LRRC57: variants seen among roughly 807,000 people sequenced by gnomAD.
LRRC57 encodes leucine rich repeat containing 57, also known as leucine-rich repeat-containing protein 57.
In LRRC57, 14 loss-of-function variants were observed where a neutral mutation model predicts 23.1. The observed-to-expected ratio is 0.61, with a 90% CI of 0.40 to 0.95. The LOEUF is 0.95. LRRC57 is among the 40% of genes least tolerant of loss of function. LRRC57 has a pLI of 0.00. For missense variants in LRRC57, 236 were observed against 284.4 expected (o/e 0.83, Z 1.22); for synonymous variants, 106 against 115.2 (o/e 0.92, Z 0.51).
chr15:42,537,254 C>CACACACACACACAT (rs796745969), downstream of LRRC57, among the ~76,000 whole-genome samples: 194 of 151,470 alleles, frequency 1.3e-3, no homozygotes, highest in African/African-American at 4.6e-3. Context: ...CACACACACA[C>CACACACACACACAT]ACACACACAC....
rs1452775430 is a variant in LRRC57 at position 42,539,288 on chromosome 15, G to A, written c.*4795C>T. The A allele has an allele frequency of 2.0e-5, 3 of 152,036 alleles. No homozygotes were observed. Among genetic ancestry groups the A allele is most frequent in the Non-Finnish European group, 4.4e-5 (3 of 68,060 alleles). 9.4% of individuals were successfully genotyped at this position (152,036 alleles called of 1,614,324 possible). ...GAGGCCAGGAGTCTGAGATAAGCCT[G>A]GCTAACATAGTGAAACCCCATTTTA... On this transcript the variant is annotated 3_prime_UTR_variant, in exon 6 of 6. Transcript: ENST00000397130.
chr15:42,548,560 G>A, intron 1 of LRRC57, 104 bp from the exon 2 acceptor site: 2 of 896,398 alleles, frequency 2.2e-6, no homozygotes, highest in Non-Finnish European at 3.4e-6. Context: ...TGGCTCCTGG[G>A]GCCCGACCCA....
At chr15:42,528,512 A>G in the LRRC57 span, 3 of 1,201,974 alleles carry the variant, frequency 2.5e-6, no homozygotes, top group African/African-American at 1.5e-5. Context: ...CTAATAAAAC[A>G]AATAAAAATT....
chr15:42,537,233 T>TCACACACACACACACACACA (rs71108166), downstream of LRRC57, among the ~76,000 whole-genome samples: 1 of 136,504 alleles, frequency 7.3e-6, no homozygotes, highest in African/African-American at 3.0e-5. Context: ...TCTCTCTCTC[T>TCACACACACACACACACACA]CACACACACA....
At chr15:42,531,717 T>C in the LRRC57 span, 1 of 362,072 alleles carries the variant, frequency 2.8e-6, no homozygotes, top group Non-Finnish European at 4.9e-6. Flanking sequence ...GGTTTTCATA[T>C]GTCATGTTTA....
intron 5 of LRRC57, among the ~76,000 whole-genome samples, chr15:42,544,613 A>G (rs1031950992): frequency 1.4e-4 from 21 of 151,990 alleles, no homozygotes; most frequent in African/African-American, 5.1e-4. Flanking sequence ...ACTTCAGCCC[A>G]GGAGTTTGAG....
At position 42,545,210 on chromosome 15, in the gene LRRC57, C is replaced by A. The variant is rs764797372; in HGVS notation, c.545G>T (p.Arg182Leu). 1 of 1,606,110 alleles carries A rather than the reference C, an allele frequency of 6.2e-7. No homozygotes were observed. Among genetic ancestry groups the A allele is most frequent in the Non-Finnish European group, 8.5e-7 (1 of 1,176,888 alleles). ...ISCCPRLKILRLEENCLELSM... is the reference protein window; with the variant it reads ...ISCCPRLKILLLEENCLELSM... ...GAGCTCAAGACAATTCTCTTCCAGG[C>A]GAAGAATTTTAAGGCGTGGACAGCA... The change falls in exon 5 of 6, where the codon CGC becomes CTC. Residue 182 changes from arginine to leucine, a missense_variant. Arg to Leu is a moderately radical substitution (Grantham distance 102). Coordinates refer to ENST00000397130, the MANE Select transcript of LRRC57 (RefSeq NM_153260.3).
At position 42,544,029 on chromosome 15, in the gene LRRC57, C is replaced by G. The variant is rs1421306216; in HGVS notation, c.*54G>C. 1 of 1,512,282 alleles carries G rather than the reference C, an allele frequency of 6.6e-7. No individual in the cohort carries two copies. Among genetic ancestry groups the G allele is most frequent in the Non-Finnish European group, 9.1e-7 (1 of 1,094,778 alleles). 93.7% of individuals were successfully genotyped at this position (1,512,282 alleles called of 1,614,324 possible). A position where few individuals can be genotyped will look rare whatever the true frequency, so the allele number is the denominator to read the frequency against. On this transcript the variant is annotated 3_prime_UTR_variant, in exon 6 of 6. Transcript: ENST00000397130. ...CAGGAGGCTTTGACTCAGCCACATT[C>G]CAACAGAGGTTCTAAGTCAGTATCC...
At chr15:42,547,904 C>T (rs1402808229) in intron 3 of LRRC57, 1 of 589,982 alleles carries the variant, frequency 1.7e-6, no homozygotes, top group African/African-American at 1.9e-5. Context: ...AACCCAGTAA[C>T]AATCATTATA....
the LRRC57 span, chr15:42,531,453 G>A: frequency 6.3e-7 from 1 of 1,599,124 alleles, no homozygotes; most frequent in South Asian, 1.1e-5. Context: ...GCCAATGCCA[G>A]AGCAAAGAAA....
chr15:42,547,721 G>A, intron 3 of LRRC57, 192 bp from the exon 4 acceptor site: 1 of 612,740 alleles, frequency 1.6e-6, no homozygotes, highest in Non-Finnish European at 2.8e-6. Flanking sequence ...CAAAATGCCG[G>A]AGAGCATTTG....
downstream of LRRC57, among the ~76,000 whole-genome samples, chr15:42,536,534 T>A (rs1349905997): frequency 1.3e-5 from 2 of 152,078 alleles, no homozygotes; most frequent in Non-Finnish European, 2.9e-5. Flanking sequence ...CAAATGCAAA[T>A]CATGCATAAG....
At chr15:42,547,226 T>A in intron 4 of LRRC57, 35 bp downstream of exon 4, 1 of 1,601,672 alleles carries the variant, frequency 6.2e-7, no homozygotes, top group Non-Finnish European at 8.5e-7. Flanking sequence ...AAGCCACACA[T>A]ATGCTGTAGG....
chr15:42,548,394 T>G lies in LRRC57; in HGVS notation c.41A>C (p.Gln14Pro). The G allele has an allele frequency of 6.2e-7, 1 of 1,614,210 alleles. No individual in the cohort carries two copies. Among genetic ancestry groups the G allele is most frequent in the South Asian group, 1.1e-5 (1 of 91,092 alleles). The change falls in exon 2 of 6, where the codon CAG becomes CCG. Residue 14 changes from glutamine (Q) to proline (P), a missense_variant. Gln to Pro is a moderately conservative substitution (Grantham distance 76). Coordinates refer to ENST00000397130, the MANE Select transcript of LRRC57 (RefSeq NM_153260.3). ...CTTAAGCTGAAAGACACCAGTTTTC[T>G]GCGCCGTTTCCACATGAGCGCGGAG... Reference protein sequence around the residue: ...SALRAHVETAQKTGVFQLKDR... With the variant: ...SALRAHVETAPKTGVFQLKDR...
rs373382507 is a variant in LRRC57 at position 42,537,915 on chromosome 15, G to C, written c.*6168C>G. On this transcript the variant is annotated 3_prime_UTR_variant, in exon 6 of 6. Coordinates refer to ENST00000397130, the MANE Select transcript of LRRC57 (RefSeq NM_153260.3). The stretch of plus-strand genomic sequence containing the variant: ...AGGCTGGGTAGTGGGTGTACAGGGT[G>C]GGGCGATGAAGGAAGGTAGGTTAAT... 6.6e-6 allele frequency: 1 copy of C among 152,104 alleles called. No homozygotes were observed. The highest frequency in any genetic ancestry group is 2.1e-4 in the South Asian group (1 of 4,828). The allele number at this position is 152,104 out of a possible 1,614,324, so 9.4% of individuals were successfully genotyped here. A position where few individuals can be genotyped will look rare whatever the true frequency, so the allele number is the denominator to read the frequency against.
chr15:42,528,344 A>G, the LRRC57 span: 1 of 1,614,150 alleles, frequency 6.2e-7, no homozygotes, highest in African/African-American at 1.3e-5. Flanking sequence ...TGTAGTATCT[A>G]AACAGCCAGG....
the LRRC57 span, chr15:42,529,875 A>C: frequency 6.3e-7 from 1 of 1,576,910 alleles, no homozygotes; most frequent in East Asian, 2.2e-5. Flanking sequence ...TGTTTCAGTA[A>C]TAGACATCTG....
chr15:42,536,088 C>T (rs1275830615), downstream of LRRC57, among the ~76,000 whole-genome samples: 2 of 152,112 alleles, frequency 1.3e-5, no homozygotes, highest in Admixed American at 6.5e-5. Context: ...AAAAGTTTGC[C>T]ATCTTATATT....
At position 42,548,070 on chromosome 15, in the gene LRRC57, G is replaced by T. The variant is rs757084360; in HGVS notation, c.223+36C>A. 3.7e-6 allele frequency: 6 copies of T among 1,611,974 alleles called. No homozygotes were observed. The East Asian group carries it at 8.9e-5, about 24-fold the overall frequency. On this transcript the variant is annotated intron_variant, in intron 3 of 5. Coordinates refer to ENST00000397130, the MANE Select transcript of LRRC57 (RefSeq NM_153260.3). The stretch of plus-strand genomic sequence containing the variant: ...GAGAAAACCACCCCTGGTAACAGCT[G>T]ATCACTAGCAAAAGCCTCCCTGGCG...
Sources: gnomAD v4.1 joint callset for allele counts (sites outside exome capture counted in the v4.1 genomes callset) on GRCh38, gnomAD v4.1.1 for gene constraint, MANE v1.5 for transcripts, NCBI Gene and HGNC (gene_info 2026-07-23, HGNC 2026-07-21) for gene names.